IGF1R: variants seen among roughly 807,000 people sequenced by gnomAD.
IGF1R encodes insulin-like growth factor 1 receptor.
A neutral mutation model predicts 144.6 loss-of-function variants in IGF1R; 44 were observed. That is an observed-to-expected ratio of 0.30 (90% CI 0.24 to 0.39). The LOEUF is 0.39. Ranked by LOEUF, IGF1R falls within the 10% of genes least tolerant of loss-of-function variation. The probability of loss-of-function intolerance (pLI) is 1.00; values close to 1 mark genes in which losing one functional copy is unlikely to be tolerated. For synonymous variants in IGF1R, 795 were observed against 722.8 expected (o/e 1.10, Z -1.60); for missense variants, 1,355 against 1,833.7 (o/e 0.74, Z 4.77).
intron 1 of IGF1R, among the ~76,000 whole-genome samples, chr15:98,678,879 G>A (rs973400405): frequency 4.0e-5 from 6 of 151,058 alleles, no homozygotes; most frequent in African/African-American, 1.2e-4. Context: ...TCTTCCATGG[G>A]TGTTGGTCTG....
intron 19 of IGF1R, among the ~76,000 whole-genome samples, chr15:98,947,419 G>C (rs1042023710): frequency 2.0e-5 from 3 of 152,136 alleles, no homozygotes; most frequent in Non-Finnish European, 4.4e-5. Flanking sequence ...TTTTCCATGT[G>C]GCTTGACCAG....
intron 1 of IGF1R, among the ~76,000 whole-genome samples, chr15:98,672,179 G>C (rs563724376): frequency 1.3e-5 from 2 of 152,284 alleles, no homozygotes; most frequent in East Asian, 3.9e-4. Context: ...GAATATTTAT[G>C]ATTCTTGCAA....
chr15:98,722,696 G>C (rs536461402), intron 2 of IGF1R, among the ~76,000 whole-genome samples: 41 of 152,298 alleles, frequency 2.7e-4, no homozygotes, highest in African/African-American at 9.6e-4. Context: ...GTGGTGGAAA[G>C]CTGGTAGTTT....
intron 2 of IGF1R, among the ~76,000 whole-genome samples, chr15:98,741,878 A>T (rs1441295026): frequency 6.6e-6 from 1 of 152,140 alleles, no homozygotes; most frequent in African/African-American, 2.4e-5. Context: ...TTGTATGTCT[A>T]GATTTCTATG....
At chr15:98,932,450 G>A (rs769563767) in intron 15 of IGF1R, among the ~76,000 whole-genome samples, 2 of 152,208 alleles carry the variant, frequency 1.3e-5, no homozygotes, top group Non-Finnish European at 2.9e-5. Flanking sequence ...CTCCTGGCTG[G>A]TGGCACTGGG....
In IGF1R at chr15:98,648,662, G is replaced by C. The variant is rs2052250821; in HGVS notation, c.-920G>C. 6.8e-6 allele frequency among the ~76,000 whole-genome samples: 1 copy of C among 147,096 alleles called. No individual in the cohort carries two copies. The highest frequency in any genetic ancestry group is 1.5e-5 in the Non-Finnish European group (1 of 66,144). Reference sequence around the variant, plus strand: ...AGGAGCGAGCGCACCAGGCGAACTCGAGAGAGGCGGGAGAGCGAGAGGGAC... The same window carrying C: ...AGGAGCGAGCGCACCAGGCGAACTCCAGAGAGGCGGGAGAGCGAGAGGGAC... On this transcript the variant is annotated 5_prime_UTR_variant, in exon 1 of 21. Transcript: ENST00000650285.
chr15:98,742,424 T>G (rs7183655), intron 2 of IGF1R, among the ~76,000 whole-genome samples: 8 of 152,110 alleles, frequency 5.3e-5, no homozygotes, highest in Non-Finnish European at 8.8e-5. Flanking sequence ...ATGCTTGTGG[T>G]GGGGGGCAAG....
intron 1 of IGF1R, among the ~76,000 whole-genome samples, chr15:98,681,238 A>C (rs1450144789): frequency 6.6e-6 from 1 of 152,138 alleles, no homozygotes; most frequent in African/African-American, 2.4e-5. Context: ...ATCGATTGTG[A>C]CATCTTGAGG....
intron 2 of IGF1R, chr15:98,873,763 T>A (rs2012908887): frequency 6.6e-6 from 1 of 152,236 alleles, no homozygotes. Flanking sequence ...AAAGGGCGAT[T>A]TCTTAACCTG....
At chr15:98,916,276 T>C in intron 9 of IGF1R, 145 bp downstream of exon 9, 1 of 841,352 alleles carries the variant, frequency 1.2e-6, no homozygotes. Context: ...TTTTTTTTTT[T>C]TTTGAGACAG....
At chr15:98,788,056 C>CTGTGTG (rs1218256852) in intron 2 of IGF1R, among the ~76,000 whole-genome samples, 75 of 106,440 alleles carry the variant, frequency 7.0e-4, no homozygotes, top group African/African-American at 1.8e-3. Context: ...CTCTCTCTCT[C>CTGTGTG]TCTCTCTGTG....
chr15:98,742,644 T>A (rs1418120107), intron 2 of IGF1R, among the ~76,000 whole-genome samples: 2 of 152,234 alleles, frequency 1.3e-5, no homozygotes, highest in African/African-American at 4.8e-5. Flanking sequence ...GAAGTTCACA[T>A]TTTAAATTTT....
chr15:98,782,351 G>T (rs2055879150), intron 2 of IGF1R, among the ~76,000 whole-genome samples: 1 of 152,020 alleles, frequency 6.6e-6, no homozygotes, highest in Non-Finnish European at 1.5e-5. Context: ...TGTAAATTCT[G>T]ATTTTTATGT....
intron 2 of IGF1R, among the ~76,000 whole-genome samples, chr15:98,886,033 G>A (rs1433868250): frequency 6.6e-6 from 1 of 152,054 alleles, no homozygotes; most frequent in Non-Finnish European, 1.5e-5. Context: ...GGGCAGGCTG[G>A]TCTTGAACTC....
Position 98,916,769 on chromosome 15 carries a change from T to C in IGF1R, c.2094T>C (p.Pro698=), listed in dbSNP as rs1204961814. The change falls in exon 10 of 21, where the codon CCT becomes CCC. Residue 698 remains proline, a synonymous_variant. Transcript: ENST00000650285. ...AGGTGTGTGGTGGGGAGAAAGGGCCTTGCTGCGCCTGCCCCAAAACTGAAG... is the reference window on the plus strand; with the variant it reads ...AGGTGTGTGGTGGGGAGAAAGGGCCCTGCTGCGCCTGCCCCAAAACTGAAG... ...KTEVCGGEKG[P]CCACPKTEAE... 6 of 1,613,906 alleles carry C rather than the reference T, an allele frequency of 3.7e-6. No individual in the cohort carries two copies. In the Admixed American group the frequency reaches 1.0e-4, roughly 27 times the overall value.
chr15:98,936,349 G>A (rs2016149151), intron 17 of IGF1R, among the ~76,000 whole-genome samples: 1 of 152,160 alleles, frequency 6.6e-6, no homozygotes, highest in Admixed American at 6.5e-5. Context: ...CCCCTCTGTA[G>A]TATTAACCCA....
intron 2 of IGF1R, among the ~76,000 whole-genome samples, chr15:98,758,207 GT>G (rs144864523): frequency 0.14 from 20,219 of 143,268 alleles, 1,706 homozygotes; most frequent in South Asian, 0.35. Flanking sequence ...ATTTTAAAGT[GT>G]TTTTTTTTTT....
chr15:98,902,291 TC>T (rs772040603), intron 5 of IGF1R, among the ~76,000 whole-genome samples: 39 of 152,256 alleles, frequency 2.6e-4, no homozygotes, highest in Admixed American at 4.6e-4. Context: ...CTTCATTTCT[TC>T]CCATGTGCAT....
rs997865428 is a variant in IGF1R at position 98,801,152 on chromosome 15, C to G, written c.641-90173C>G. Among the ~76,000 whole-genome samples, 30 of 152,250 alleles carry G rather than the reference C, an allele frequency of 2.0e-4. 2 individuals are homozygous for G. Among genetic ancestry groups the G allele is most frequent in the Admixed American group, 1.8e-3 (27 of 15,302 alleles). The stretch of plus-strand genomic sequence containing the variant: ...AGAAGAGGAGGTGGCCTCCCTCTCC[C>G]CAACCTCAGAGCCCTCAAAGCCCTT... On this transcript the variant is annotated intron_variant, in intron 2 of 20. Transcript: ENST00000650285.
Sources: allele counts gnomAD v4.1 joint callset (sites outside exome capture counted in the v4.1 genomes callset), GRCh38; gene constraint gnomAD v4.1.1; transcripts MANE v1.5; gene names NCBI Gene and HGNC (gene_info 2026-07-23, HGNC 2026-07-21).